TRAPPC10: variants seen among roughly 807,000 people sequenced by gnomAD.
TRAPPC10 encodes trafficking protein particle complex subunit 10.
Under a neutral mutation model 125.5 loss-of-function variants are expected in TRAPPC10, and 23 were observed. The ratio of observed to expected loss-of-function variants is 0.18; its 90% CI spans 0.13 to 0.26. The LOEUF is 0.26. Ranked by LOEUF, TRAPPC10 falls within the 10% of genes least tolerant of loss-of-function variation. The pLI, the probability that TRAPPC10 is intolerant of heterozygous loss-of-function variation, is 1.00. For synonymous variants in TRAPPC10, 509 were observed against 518.0 expected (o/e 0.98, Z 0.24); for missense variants, 1,123 against 1,308.4 (o/e 0.86, Z 2.19).
Position 44,059,410 on chromosome 21 carries a change from T to C in TRAPPC10, c.790+196T>C. On this transcript the variant is annotated intron_variant, in intron 6 of 22. Transcript: ENST00000291574. The surrounding 1 kb of genome is among the most constrained non-coding windows in gnomAD (Gnocchi z 4.4). Reference sequence around the variant, plus strand: ...AATTAAGAATTAGTCATTTTCACTTTTAGAAGAATCTTAAGTAACAAAAAT... The same window carrying C: ...AATTAAGAATTAGTCATTTTCACTTCTAGAAGAATCTTAAGTAACAAAAAT... The C allele has an allele frequency of 5.7e-6, 4 of 702,038 alleles. No homozygotes were observed. The East Asian group carries it at 8.1e-5, about 14-fold the overall frequency. The allele number at this position is 702,038 out of a possible 1,614,324, so 43.5% of individuals were successfully genotyped here. A position where few individuals can be genotyped will look rare whatever the true frequency, so the allele number is the denominator to read the frequency against.
intron 5 of TRAPPC10, among the ~76,000 whole-genome samples, chr21:44,058,512 G>T (rs1273307069): frequency 1.3e-5 from 2 of 152,228 alleles, no homozygotes; most frequent in Admixed American, 1.3e-4. Flanking sequence ...AAGACCGTGG[G>T]TGGAGCACTT....
chr21:44,054,993 A>G (rs2035470704), intron 4 of TRAPPC10, among the ~76,000 whole-genome samples: 1 of 152,182 alleles, frequency 6.6e-6, no homozygotes, highest in Non-Finnish European at 1.5e-5. Context: ...AAAGTGAGAC[A>G]TCGTGGTCCT....
chr21:44,056,214 G>T (rs2035578093), intron 5 of TRAPPC10, among the ~76,000 whole-genome samples: 2 of 152,148 alleles, frequency 1.3e-5, no homozygotes, highest in Admixed American at 1.3e-4. Flanking sequence ...TGTATCGATA[G>T]AAATCATCAG....
intron 1 of TRAPPC10, among the ~76,000 whole-genome samples, chr21:44,029,137 C>T (rs547558620): frequency 2.6e-5 from 4 of 152,322 alleles, no homozygotes; most frequent in South Asian, 2.1e-4. Context: ...CTCTGTCGCC[C>T]GGGCTGGAGT....
intron 12 of TRAPPC10, 75 bp from the exon 13 acceptor site, chr21:44,079,940 T>C: frequency 7.4e-7 from 1 of 1,356,166 alleles, no homozygotes. Context: ...GTGAAGGCCG[T>C]AGGAGACTTT....
intron 18 of TRAPPC10, among the ~76,000 whole-genome samples, chr21:44,090,467 C>T (rs1395852551): frequency 1.3e-5 from 2 of 152,186 alleles, no homozygotes; most frequent in Non-Finnish European, 2.9e-5. Context: ...CATGAGATGC[C>T]AGTAGCACTC....
intron 1 of TRAPPC10, among the ~76,000 whole-genome samples, chr21:44,016,692 T>C (rs2031877442): frequency 6.6e-6 from 1 of 152,204 alleles, no homozygotes; most frequent in Non-Finnish European, 1.5e-5. Flanking sequence ...GGAGTCTTGC[T>C]TTGTTGCCCA....
chr21:44,079,164 C>G (rs1213415776), intron 11 of TRAPPC10, among the ~76,000 whole-genome samples: 1 of 152,192 alleles, frequency 6.6e-6, no homozygotes, highest in Non-Finnish European at 1.5e-5. Context: ...GGCTTCATTG[C>G]TGACTAGCAG....
At chr21:44,013,807 A>G (rs1378702252) in intron 1 of TRAPPC10, among the ~76,000 whole-genome samples, 1 of 151,858 alleles carries the variant, frequency 6.6e-6, no homozygotes, top group Non-Finnish European at 1.5e-5. Context: ...AAAATTGGAG[A>G]CTTGCATAGT....
chr21:44,071,961 T>G (rs2036900430), intron 7 of TRAPPC10, among the ~76,000 whole-genome samples: 1 of 152,194 alleles, frequency 6.6e-6, no homozygotes, highest in South Asian at 2.1e-4. Flanking sequence ...CTCTCCCACC[T>G]CCTTCAGGAT....
chr21:44,028,840 AC>A (rs2033310014), intron 1 of TRAPPC10, among the ~76,000 whole-genome samples: 1 of 152,020 alleles, frequency 6.6e-6, no homozygotes, highest in Non-Finnish European at 1.5e-5. Flanking sequence ...CTTAGGAACC[AC>A]CCTATTAACA....
At chr21:44,070,990 T>C (rs2036826115) in intron 7 of TRAPPC10, among the ~76,000 whole-genome samples, 1 of 152,098 alleles carries the variant, frequency 6.6e-6, no homozygotes, top group African/African-American at 2.4e-5. Flanking sequence ...ACCCAGACAC[T>C]TGATAGGAGT....
intron 1 of TRAPPC10, among the ~76,000 whole-genome samples, chr21:44,021,286 A>G (rs1275708829): frequency 6.6e-6 from 1 of 152,158 alleles, no homozygotes; most frequent in African/African-American, 2.4e-5. Flanking sequence ...GTTACTGCTG[A>G]AGGGGCTTGG....
chr21:44,066,478 C>G (rs1300532068), intron 7 of TRAPPC10, among the ~76,000 whole-genome samples: 1 of 152,190 alleles, frequency 6.6e-6, no homozygotes, highest in East Asian at 1.9e-4. Flanking sequence ...GAGGCCAGTT[C>G]TGCGTGAGTT....
chr21:44,047,573 C>A (rs556338337), intron 3 of TRAPPC10, among the ~76,000 whole-genome samples: 3 of 117,778 alleles, frequency 2.5e-5, no homozygotes, highest in African/African-American at 9.7e-5. Context: ...TGTGCGCGCA[C>A]ACGCTACATG....
At chr21:44,015,068 C>T (rs1217075252) in intron 1 of TRAPPC10, among the ~76,000 whole-genome samples, 2 of 152,118 alleles carry the variant, frequency 1.3e-5, no homozygotes, top group African/African-American at 2.4e-5. Context: ...CTAATTAACC[C>T]TTAACTTTTT....
chr21:44,084,320 C>T (rs1264844709), intron 15 of TRAPPC10, 57 bp downstream of exon 15: 2 of 1,528,910 alleles, frequency 1.3e-6, no homozygotes, highest in Non-Finnish European at 1.8e-6. Flanking sequence ...TCTGAGGAGA[C>T]CTGCTGAGAT....
chr21:44,062,844 T>G, intron 6 of TRAPPC10: 1 of 985,474 alleles, frequency 1.0e-6, no homozygotes, highest in Non-Finnish European at 1.2e-6. Context: ...ATGACACCTC[T>G]CTGTTGAAGT....
At chr21:44,053,373 A>G (rs1247999036) in intron 4 of TRAPPC10, among the ~76,000 whole-genome samples, 2 of 152,136 alleles carry the variant, frequency 1.3e-5, no homozygotes, top group Non-Finnish European at 2.9e-5. Flanking sequence ...TTTTCACTCA[A>G]TATATTGTAA....
Sources: gnomAD v4.1 joint callset for allele counts (sites outside exome capture counted in the v4.1 genomes callset) on GRCh38, gnomAD v4.1.1 for gene constraint, Gnocchi (gnomAD v3.1) non-coding constraint, MANE v1.5 for transcripts, NCBI Gene and HGNC (gene_info 2026-07-23, HGNC 2026-07-21) for gene names.